Variants in MAPT observed in about 807,000 individuals in gnomAD.
MAPT encodes microtubule associated protein tau.
MAPT carries 34 observed loss-of-function variants against 67.9 expected under a neutral mutation model. The ratio of observed to expected loss-of-function variants is 0.50; its 90% confidence interval spans 0.38 to 0.67. The LOEUF is 0.67. Ranked by LOEUF, MAPT falls within the 30% of genes least tolerant of loss-of-function variation. The pLI is 0.00. For missense variants in MAPT, 881 were observed against 1,115.2 expected, an observed-to-expected ratio of 0.79 and a Z score of 2.99; for synonymous variants, 456 against 464.5, an observed-to-expected ratio of 0.98 and a Z score of 0.23.
At chr17:45,894,811 A>T (rs1473647547) in intron 1 of MAPT, 125 bp downstream of exon 1, 1 of 152,454 alleles carries the variant, frequency 6.6e-6, no homozygotes, top group Non-Finnish European at 1.5e-5. Context: ...GGGCCACCGC[A>T]GGGCCCCTCC....
chr17:45,952,204 G>A (rs924034924), intron 1 of MAPT, among the ~76,000 whole-genome samples: 4 of 152,164 alleles, frequency 2.6e-5, no homozygotes, highest in African/African-American at 7.2e-5. Context: ...GCACAGCTGC[G>A]CCATTTGTCT....
chr17:45,926,936 C>T (rs536220361), intron 1 of MAPT, among the ~76,000 whole-genome samples: 354 of 111,118 alleles, frequency 3.2e-3, no homozygotes, highest in African/African-American at 8.5e-3. Context: ...CACATATATA[C>T]ACATATATAT....
intron 1 of MAPT, among the ~76,000 whole-genome samples, chr17:45,903,989 T>C (rs1243505562): frequency 2.9e-4 from 5 of 17,096 alleles, no homozygotes; most frequent in Non-Finnish European, 4.2e-4. Context: ...ATTATATATT[T>C]ATATATATTA....
intron 1 of MAPT, among the ~76,000 whole-genome samples, chr17:45,956,600 A>ATATT (rs2069741470): frequency 9.7e-6 from 1 of 102,660 alleles, no homozygotes; most frequent in African/African-American, 3.7e-5. Flanking sequence ...ATATATATAT[A>ATATT]TTTTTTATTA....
chr17:45,991,477 G>A lies in MAPT; in HGVS notation c.1623G>A (p.Thr541=), dbSNP rs139748238. Residue 541 remains threonine (T), a synonymous_variant, in exon 8 of 13, where the codon ACG becomes ACA. Transcript: ENST00000262410. ...ATTTACAGGGGGCTGATGGTAAAAC[G>A]AAGATCGCCACACCGCGGGGAGCAG... is the stretch of plus-strand genomic sequence containing the variant. ...EMKLKGADGK[T]KIATPRGAAP... is the part of the protein sequence containing the mutation. 1.7e-4 allele frequency: 274 copies of A among 1,614,094 alleles called. No individual in the cohort carries two copies. The highest frequency in any genetic ancestry group is 2.2e-4 in the Non-Finnish European group (254 of 1,180,038).
At chr17:45,991,408 G>A in intron 7 of MAPT, 52 bp from the exon 8 acceptor site, 1 of 1,612,474 alleles carries the variant, frequency 6.2e-7, no homozygotes, top group Non-Finnish European at 8.5e-7. Flanking sequence ...ACTCTTGGTG[G>A]CAGTAACTTT....
At position 46,028,295 on chromosome 17, in the gene MAPT, T is replaced by C. The variant is rs2076907723; in HGVS notation, c.*4124T>C. 1 of 152,616 alleles carries C rather than the reference T, an allele frequency of 6.6e-6. No homozygotes were observed. The highest frequency in any genetic ancestry group is 2.1e-4 in the South Asian group (1 of 4,830). The allele number at this position is 152,616 out of a possible 1,614,324, so 9.5% of individuals were successfully genotyped here. The stretch of plus-strand genomic sequence containing the variant: ...AAATGATTTACACTGACTGTTGCTG[T>C]AAAAGTGAATTTGGAAATAAAGTTA... On this transcript the variant is annotated 3_prime_UTR_variant, in exon 13 of 13. Coordinates refer to ENST00000262410, the MANE Select transcript of MAPT (RefSeq NM_001377265.1).
At chr17:45,899,573 C>A (rs2063487006) in intron 1 of MAPT, among the ~76,000 whole-genome samples, 1 of 152,222 alleles carries the variant, frequency 6.6e-6, no homozygotes, top group Non-Finnish European at 1.5e-5. Flanking sequence ...GTTCCCTCCC[C>A]TCTCAGCCAC....
At chr17:45,977,854 C>T (rs764630939) in intron 3 of MAPT, 12 of 161,376 alleles carry the variant, frequency 7.4e-5, no homozygotes, top group Non-Finnish European at 1.6e-4. Context: ...CCCTCACCAT[C>T]CTTCTACAAG....
intron 2 of MAPT, among the ~76,000 whole-genome samples, chr17:45,962,922 C>CAA (rs55672513): frequency 3.6e-4 from 51 of 141,736 alleles, no homozygotes; most frequent in Non-Finnish European, 3.2e-4. Context: ...AAGACCCTGT[C>CAA]AAAAAAAAAA....
At chr17:45,972,895 T>A (rs543837493) in intron 3 of MAPT, 1 of 152,426 alleles carries the variant, frequency 6.6e-6, no homozygotes, top group Admixed American at 6.5e-5. Flanking sequence ...CACCCCTTGC[T>A]GCGAGCAAGG....
chr17:45,981,177 C>A (rs763909839), intron 4 of MAPT, among the ~76,000 whole-genome samples: 1 of 152,138 alleles, frequency 6.6e-6, no homozygotes, highest in Non-Finnish European at 1.5e-5. Context: ...CCTTCCTCCC[C>A]GACCTCATCC....
At chr17:45,921,281 C>T (rs2065687654) in intron 1 of MAPT, among the ~76,000 whole-genome samples, 1 of 152,190 alleles carries the variant, frequency 6.6e-6, no homozygotes, top group African/African-American at 2.4e-5. Flanking sequence ...ATCAACATCC[C>T]TTGGAGAAGA....
At position 46,018,742 on chromosome 17, in the gene MAPT, A is replaced by G; in HGVS notation, c.2286+12A>G. The G allele has an allele frequency of 6.3e-7, 1 of 1,587,474 alleles. No homozygotes were observed. ...GAGGAAATAAAAAGGTAAAGGGGGT[A>G]GGGTGGGTTGGATGCTGCCCTTGGG... is the stretch of plus-strand genomic sequence containing the variant. On this transcript the variant is annotated intron_variant, in intron 12 of 12. Transcript: ENST00000262410.
intron 1 of MAPT, among the ~76,000 whole-genome samples, chr17:45,934,866 C>CGTTTTTTTTT (rs1176427398): frequency 6.6e-6 from 1 of 151,102 alleles, no homozygotes; most frequent in African/African-American, 2.4e-5. Flanking sequence ...GACCCTGGAC[C>CGTTTTTTTTT]TATGGCCTTT....
rs534624199 is a variant in MAPT, at chr17:45,939,738, G to A, written c.-17-22583G>A. 4.0e-4 allele frequency among the ~76,000 whole-genome samples: 61 copies of A among 152,278 alleles called. 1 individual carries two copies. The South Asian group carries it at 9.5e-3, about 24-fold the overall frequency. ...TGTGTGATGTGACTTCAGCCTGAGC[G>A]TCGAGGACCAAGTCACAGAGCAGGA... is the stretch of plus-strand genomic sequence containing the variant. On this transcript the variant is annotated intron_variant, in intron 1 of 12. Coordinates refer to ENST00000262410, the MANE Select transcript of MAPT (RefSeq NM_001377265.1).
chr17:45,999,687 C>G (rs772980161), intron 9 of MAPT: 1 of 1,557,606 alleles, frequency 6.4e-7, no homozygotes, highest in Non-Finnish European at 8.7e-7. Context: ...ATGGGAGCCC[C>G]AGGTTATGAC....
chr17:45,989,515 G>T (rs1294462758), intron 6 of MAPT, among the ~76,000 whole-genome samples: 2 of 152,192 alleles, frequency 1.3e-5, no homozygotes, highest in Non-Finnish European at 2.9e-5. Flanking sequence ...GCCGGGCGTG[G>T]TGGTGGGCGC....
chr17:45,920,480 T>TCTC (rs1568163424), intron 1 of MAPT, among the ~76,000 whole-genome samples: 1 of 152,142 alleles, frequency 6.6e-6, no homozygotes, highest in Admixed American at 6.5e-5. Context: ...GCGGTGGCCT[T>TCTC]CTCCTCAGCC....
Sources: allele counts gnomAD v4.1 joint callset (sites outside exome capture counted in the v4.1 genomes callset), GRCh38; gene constraint gnomAD v4.1.1; transcripts MANE v1.5; gene names NCBI Gene and HGNC (gene_info 2026-07-23, HGNC 2026-07-21).